The following FIG4 variants were observed in gnomAD, a reference collection of about 807,000 sequenced individuals.
FIG4 encodes the protein polyphosphoinositide phosphatase.
In FIG4, 112 loss-of-function variants were observed where a neutral mutation model predicts 118.6. The observed-to-expected ratio is 0.94, with a 90% CI of 0.81 to 1.11. The LOEUF is 1.11. Ranked by LOEUF, FIG4 falls within the 50% of genes least tolerant of loss-of-function variation. The pLI, the probability that FIG4 is intolerant of heterozygous loss-of-function variation, is 0.00. For synonymous variants in FIG4, 369 were observed against 381.2 expected, an observed-to-expected ratio of 0.97 and a Z score of 0.37; for missense variants, 969 against 1,111.7, an observed-to-expected ratio of 0.87 and a Z score of 1.83.
In FIG4 at chr6:109,783,347, T is replaced by C. The variant is rs540861956; in HGVS notation, c.1890-1623T>C. On this transcript the variant is annotated intron_variant, in intron 16 of 22. Coordinates refer to ENST00000230124, the MANE Select transcript of FIG4 (RefSeq NM_014845.6). The stretch of plus-strand genomic sequence containing the variant: ...AAAGACTGCATTGGCCCATTTCCAG[T>C]ATCAGCTCCATGTTTCACTGTTCCT... Among the ~76,000 whole-genome samples the C allele has an allele frequency of 5.9e-5, 9 of 152,352 alleles. No individual in the cohort carries two copies. In the East Asian group the frequency reaches 7.7e-4, roughly 13 times the overall value.
At chr6:109,715,226 T>A in intron 2 of FIG4, 50 bp downstream of exon 2, 1 of 884,866 alleles carries the variant, frequency 1.1e-6, no homozygotes, top group African/African-American at 1.6e-5. Flanking sequence ...ACCTGTTGTT[T>A]AAAGGACATG....
intron 15 of FIG4, among the ~76,000 whole-genome samples, chr6:109,770,722 A>G (rs1165917454): frequency 6.6e-6 from 1 of 152,160 alleles, no homozygotes; most frequent in Non-Finnish European, 1.5e-5. Flanking sequence ...ACACTTTTAA[A>G]CAACCAGATC....
chr6:109,762,700 A>G (rs1166819518), intron 12 of FIG4, among the ~76,000 whole-genome samples: 1 of 151,808 alleles, frequency 6.6e-6, no homozygotes, highest in Non-Finnish European at 1.5e-5. Context: ...GTTAACTACA[A>G]TCATAAGACA....
At chr6:109,780,896 T>G (rs1360772136) in intron 16 of FIG4, among the ~76,000 whole-genome samples, 2 of 152,232 alleles carry the variant, frequency 1.3e-5, no homozygotes, top group Non-Finnish European at 2.9e-5. Context: ...GAAGCTTTGT[T>G]CTGAATTTGA....
At chr6:109,735,658 C>G (rs777440423) in intron 6 of FIG4, among the ~76,000 whole-genome samples, 1 of 152,028 alleles carries the variant, frequency 6.6e-6, no homozygotes, top group South Asian at 2.1e-4. Flanking sequence ...TTCACAGAGA[C>G]CAGTTTGTTA....
rs1050657368 is a variant in FIG4 at position 109,716,306 on chromosome 6, A to G, written c.166-139A>G. 5 of 803,946 alleles carry G rather than the reference A, an allele frequency of 6.2e-6. No homozygotes were observed. The African/African-American group carries it at 8.7e-5, about 14-fold the overall frequency. 49.8% of individuals were successfully genotyped at this position (803,946 alleles called of 1,614,324 possible). ...GAACTTGTTAGCTTTTTAAAATTGT[A>G]GCTTACTTGTGTACTATTATATACT... On this transcript the variant is annotated intron_variant, in intron 2 of 22. Transcript: ENST00000230124.
Position 109,798,254 on chromosome 6 carries a change from A to G in FIG4, c.2546+1403A>G, listed in dbSNP as rs140737249. The stretch of plus-strand genomic sequence containing the variant: ...AATAATCTTAAGTGGTGAAATGGAC[A>G]GAACTTGGATCCTGACTCAGAGAGT... On this transcript the variant is annotated intron_variant, in intron 22 of 22. Coordinates refer to ENST00000230124, the MANE Select transcript of FIG4 (RefSeq NM_014845.6). Among the ~76,000 whole-genome samples the G allele has an allele frequency of 5.8e-4, 88 of 152,350 alleles. 1 individual carries two copies. The highest frequency in any genetic ancestry group is 2.1e-3 in the African/African-American group (86 of 41,588).
intron 6 of FIG4, among the ~76,000 whole-genome samples, chr6:109,737,291 G>T (rs1273188401): frequency 6.6e-6 from 1 of 152,138 alleles, no homozygotes; most frequent in Non-Finnish European, 1.5e-5. Context: ...TTTACTGCAT[G>T]TCAGGTACTT....
chr6:109,738,703 T>C (rs1776235425), intron 7 of FIG4, among the ~76,000 whole-genome samples: 1 of 152,172 alleles, frequency 6.6e-6, no homozygotes, highest in African/African-American at 2.4e-5. Flanking sequence ...ATAAGTGTCA[T>C]GCTTATCTGG....
intron 10 of FIG4, among the ~76,000 whole-genome samples, chr6:109,752,494 G>T (rs887195363): frequency 3.1e-4 from 47 of 151,794 alleles, no homozygotes; most frequent in Admixed American, 2.6e-4. Context: ...ATCCTCTCCA[G>T]TACCTGTTGT....
rs115443817 is a variant in FIG4 at position 109,787,146 on chromosome 6, C to T, written c.2096+697C>T. 4.7e-3 allele frequency among the ~76,000 whole-genome samples: 712 copies of T among 152,248 alleles called. 8 individuals carry two copies. Among genetic ancestry groups the T allele is most frequent in the African/African-American group, 0.017 (689 of 41,560 alleles). ...TCTCTCCATCCTAGTCTCTCACCTT[C>T]AGACACATTTCATTCTCTGTATCTC... On this transcript the variant is annotated intron_variant, in intron 18 of 22. Transcript: ENST00000230124.
intron 3 of FIG4, among the ~76,000 whole-genome samples, chr6:109,724,888 ATTTTTAAG>A (rs1775750858): frequency 1.3e-5 from 2 of 151,214 alleles, no homozygotes; most frequent in South Asian, 4.2e-4. Context: ...CGTCACAATC[ATTTTTAAG>A]TGCACAGTAC....
At chr6:109,704,864 G>A (rs1002168546) in intron 1 of FIG4, among the ~76,000 whole-genome samples, 6 of 152,054 alleles carry the variant, frequency 3.9e-5, no homozygotes, top group Non-Finnish European at 7.4e-5. Flanking sequence ...GTATTATAGG[G>A]AGATGGGGGG....
intron 9 of FIG4, 187 bp downstream of exon 9, chr6:109,743,459 A>C (rs185793892): frequency 1.5e-6 from 1 of 668,860 alleles, no homozygotes; most frequent in African/African-American, 1.8e-5. Flanking sequence ...ACTGTTAAAT[A>C]AATTATTTTT....
chr6:109,792,738 T>C (rs957486643), intron 21 of FIG4, 74 bp downstream of exon 21: 4 of 46,306 alleles, frequency 8.6e-5, no homozygotes, highest in Middle Eastern at 4.1e-3. Flanking sequence ...TACTATACCT[T>C]TTTTTTTTTT....
At chr6:109,730,886 T>TTTGCCTTATATTTACAGTATCAA (rs1283354205) in intron 4 of FIG4, among the ~76,000 whole-genome samples, 48 of 152,310 alleles carry the variant, frequency 3.2e-4, no homozygotes, top group African/African-American at 1.1e-3. Context: ...CAATGCTATA[T>TTTGCCTTATATTTACAGTATCAA]TTGATACTGT....
intron 15 of FIG4, among the ~76,000 whole-genome samples, chr6:109,767,432 G>C (rs1373652906): frequency 6.6e-6 from 1 of 152,122 alleles, no homozygotes; most frequent in Non-Finnish European, 1.5e-5. Context: ...CAATACAATA[G>C]GTATCACAGA....
At chr6:109,797,459 C>T (rs549343797) in intron 22 of FIG4, among the ~76,000 whole-genome samples, 25 of 152,258 alleles carry the variant, frequency 1.6e-4, no homozygotes, top group South Asian at 1.0e-3. Flanking sequence ...GTCTAGAATA[C>T]GTTCTGAAAT....
intron 16 of FIG4, among the ~76,000 whole-genome samples, chr6:109,778,659 C>A (rs952104950): frequency 2.6e-5 from 4 of 151,890 alleles, no homozygotes; most frequent in Non-Finnish European, 5.9e-5. Flanking sequence ...AGTGCAGTGG[C>A]GCGATCTCAG....
Sources: gnomAD v4.1 joint callset for allele counts (sites outside exome capture counted in the v4.1 genomes callset) on GRCh38, gnomAD v4.1.1 for gene constraint, MANE v1.5 for transcripts, NCBI Gene and HGNC (gene_info 2026-07-23, HGNC 2026-07-21) for gene names.